The following ABCD3 variants were observed in gnomAD, a reference collection of about 807,000 sequenced individuals.
The protein encoded by ABCD3 is ATP-binding cassette sub-family D member 3.
In ABCD3, 41 loss-of-function variants were observed where a neutral mutation model predicts 105.5. That is an observed-to-expected ratio of 0.39 (90% CI 0.30 to 0.50). ABCD3 has a LOEUF of 0.50. ABCD3 is among the 20% of genes least tolerant of loss of function. The pLI is 0.84. For synonymous variants in ABCD3, 258 were observed against 269.0 expected, an observed-to-expected ratio of 0.96 and a Z score of 0.40; for missense variants, 622 against 806.3, an observed-to-expected ratio of 0.77 and a Z score of 2.77.
chr1:94,464,912 C>T (rs372377332), intron 3 of ABCD3, 39 bp downstream of exon 3: 58 of 1,512,336 alleles, frequency 3.8e-5, no homozygotes, highest in Non-Finnish European at 4.9e-5. Flanking sequence ...TATATTGGGC[C>T]GTTCTTTAAT....
chr1:94,494,398 T>A (rs1461344277), intron 16 of ABCD3, among the ~76,000 whole-genome samples: 1 of 152,190 alleles, frequency 6.6e-6, no homozygotes, highest in Admixed American at 6.5e-5. Flanking sequence ...CTGTTATGAA[T>A]TCTAATCTCT....
At chr1:94,456,091 C>A (rs1032456538) in intron 1 of ABCD3, among the ~76,000 whole-genome samples, 3 of 151,696 alleles carry the variant, frequency 2.0e-5, no homozygotes, top group Non-Finnish European at 4.4e-5. Flanking sequence ...TTTCCCCCAA[C>A]CCCTGAGCCC....
intron 16 of ABCD3, among the ~76,000 whole-genome samples, chr1:94,492,925 C>T (rs1192885302): frequency 3.9e-5 from 6 of 152,076 alleles, no homozygotes; most frequent in Admixed American, 3.9e-4. Context: ...TCTTTTAAAG[C>T]CCTTATGTTT....
Position 94,491,263 on chromosome 1 carries a change from A to G in ABCD3, c.1386+16A>G, listed in dbSNP as rs749671836. 1 of 1,580,680 alleles carries G rather than the reference A, an allele frequency of 6.3e-7. No homozygotes were observed. The highest frequency in any genetic ancestry group is 8.7e-7 in the Non-Finnish European group (1 of 1,150,548). On this transcript the variant is annotated intron_variant, in intron 16 of 22. Transcript: ENST00000370214. ...TAATTTTGAAGTAAGTTTTTAAATGATCATATAAAAGCTTAAATCATCTTT... is the reference window on the plus strand; with the variant it reads ...TAATTTTGAAGTAAGTTTTTAAATGGTCATATAAAAGCTTAAATCATCTTT...
At chr1:94,447,921 A>G (rs1660420357) in intron 1 of ABCD3, among the ~76,000 whole-genome samples, 1 of 152,252 alleles carries the variant, frequency 6.6e-6, no homozygotes, top group African/African-American at 2.4e-5. Context: ...CTATGCCATG[A>G]GTAATCTATT....
At chr1:94,392,160 CATATGATAGA>C in the ABCD3 span, among the ~76,000 whole-genome samples, 1 of 152,218 alleles carries the variant, frequency 6.6e-6, no homozygotes, top group African/African-American at 2.4e-5. Flanking sequence ...TCCTCTGAAG[CATATGATAGA>C]ATTCTTCTTC....
intron 3 of ABCD3, 138 bp downstream of exon 3, chr1:94,465,011 C>T: frequency 3.9e-6 from 3 of 765,360 alleles, no homozygotes; most frequent in South Asian, 3.2e-5. Context: ...ACAGCATCTC[C>T]TCCACTTCCG....
At chr1:94,515,263 A>G in intron 22 of ABCD3, 61 bp downstream of exon 22, 1 of 1,336,674 alleles carries the variant, frequency 7.5e-7, no homozygotes, top group Non-Finnish European at 1.1e-6. Context: ...ATATGAATTC[A>G]GGTTAATATG....
chr1:94,440,797 G>A (rs1413996403), intron 1 of ABCD3, among the ~76,000 whole-genome samples: 1 of 152,140 alleles, frequency 6.6e-6, no homozygotes, highest in African/African-American at 2.4e-5. Context: ...TGGGTTTTGG[G>A]TTTTGCTATC....
At chr1:94,449,218 C>G (rs530247491) in intron 1 of ABCD3, among the ~76,000 whole-genome samples, 4 of 152,190 alleles carry the variant, frequency 2.6e-5, no homozygotes, top group Non-Finnish European at 5.9e-5. Flanking sequence ...CCGAGGACCC[C>G]GTAGTTGCAG....
chr1:94,392,386 A>C, the ABCD3 span, among the ~76,000 whole-genome samples: 1 of 152,218 alleles, frequency 6.6e-6, no homozygotes, highest in Non-Finnish European at 1.5e-5. Flanking sequence ...ACAGTAGGTC[A>C]ACAAAAAACA....
At position 94,515,171 on chromosome 1, in the gene ABCD3, C is replaced by G. The variant is rs745451601; in HGVS notation, c.1871C>G (p.Ser624Cys). Residue 624 changes from serine to cysteine, a missense_variant, in exon 22 of 23, where the codon TCT becomes TGT. Ser to Cys is a moderately radical substitution (Grantham distance 112). This residue lies in a region of ABCD3 where 285 missense variants were observed against 352.5 expected (regional missense o/e 0.81). Coordinates refer to ENST00000370214, the MANE Select transcript of ABCD3 (RefSeq NM_002858.4). ...RKVGITLFTV[S>C]HRKSLWKHHE... ...GTTGGCATCACTCTCTTCACTGTGTCTCATAGGAAATCTCTTTGGAAACAT... is the reference window on the plus strand; with the variant it reads ...GTTGGCATCACTCTCTTCACTGTGTGTCATAGGAAATCTCTTTGGAAACAT... 1 of 1,610,442 alleles carries G rather than the reference C, an allele frequency of 6.2e-7. No individual in the cohort carries two copies. Among genetic ancestry groups the G allele is most frequent in the Non-Finnish European group, 8.5e-7 (1 of 1,177,512 alleles).
At chr1:94,462,846 G>T (rs962138923) in intron 2 of ABCD3, among the ~76,000 whole-genome samples, 1 of 152,130 alleles carries the variant, frequency 6.6e-6, no homozygotes, top group Non-Finnish European at 1.5e-5. Flanking sequence ...TGGTGATGGC[G>T]ATAGGAGGAA....
At chr1:94,452,204 A>G (rs2100942015) in intron 1 of ABCD3, among the ~76,000 whole-genome samples, 1 of 152,380 alleles carries the variant, frequency 6.6e-6, no homozygotes, top group Non-Finnish European at 1.5e-5. Flanking sequence ...ATTCTGGGCA[A>G]ACTTAATTCA....
chr1:94,473,946 A>G, intron 5 of ABCD3, 111 bp downstream of exon 5: 1 of 791,254 alleles, frequency 1.3e-6, no homozygotes, highest in Non-Finnish European at 2.1e-6. Context: ...CTAAGTTCCT[A>G]TTTTCAGTTT....
At chr1:94,512,496 A>G (rs1483366643) in intron 21 of ABCD3, among the ~76,000 whole-genome samples, 2 of 152,016 alleles carry the variant, frequency 1.3e-5, no homozygotes, top group Non-Finnish European at 2.9e-5. Context: ...ATTTAAATCT[A>G]TTTCACTTTA....
the ABCD3 span, among the ~76,000 whole-genome samples, chr1:94,404,896 G>A: frequency 7.5e-3 from 1,109 of 147,328 alleles, 18 homozygotes; most frequent in African/African-American, 0.027. Context: ...CTGATATTGC[G>A]CCGCTGCACT....
upstream of ABCD3, among the ~76,000 whole-genome samples, chr1:94,418,197 G>C (rs966768262): frequency 1.3e-5 from 2 of 152,198 alleles, no homozygotes; most frequent in Non-Finnish European, 2.9e-5. Flanking sequence ...CAGCTCCTCC[G>C]CGCCGCGTTT....
chr1:94,469,114 A>ACT (rs1265823923), intron 4 of ABCD3, among the ~76,000 whole-genome samples: 2 of 152,036 alleles, frequency 1.3e-5, no homozygotes, highest in East Asian at 3.9e-4. Context: ...GGCTCCTCTC[A>ACT]CTCACAACTG....
Sources: gnomAD v4.1 joint callset for allele counts (sites outside exome capture counted in the v4.1 genomes callset) on GRCh38, gnomAD v4.1.1 for gene constraint, gnomAD v4.1.1 regional missense constraint, MANE v1.5 for transcripts, NCBI Gene and HGNC (gene_info 2026-07-23, HGNC 2026-07-21) for gene names.